The following UBE3A variants were observed in gnomAD, a reference collection of about 807,000 sequenced individuals.
UBE3A encodes the protein ubiquitin protein ligase E3A, also known as ubiquitin-protein ligase E3A.
UBE3A carries 6 observed loss-of-function variants against 83.4 expected under a neutral mutation model. That is an observed-to-expected ratio of 0.07 (90% CI 0.04 to 0.14). UBE3A has a LOEUF of 0.14. UBE3A is among the 10% of genes least tolerant of loss of function. The pLI, the probability that UBE3A is intolerant of heterozygous loss-of-function variation, is 1.00. For missense variants in UBE3A, 456 were observed against 1,036.1 expected, an observed-to-expected ratio of 0.44 and a Z score of 7.69; for synonymous variants, 337 against 355.4, an observed-to-expected ratio of 0.95 and a Z score of 0.58.
At chr15:25,406,786 C>T (rs1167122111) in intron 3 of UBE3A, among the ~76,000 whole-genome samples, 1 of 145,778 alleles carries the variant, frequency 6.9e-6, no homozygotes, top group Non-Finnish European at 1.5e-5. Context: ...CAACCCCTCA[C>T]TTCTTTATCA....
intron 5 of UBE3A, 189 bp downstream of exon 5, chr15:25,375,276 T>A: frequency 1.5e-6 from 1 of 652,732 alleles, no homozygotes; most frequent in South Asian, 2.0e-5. Context: ...TATGATCTGC[T>A]TCTAATTAGC....
At chr15:25,382,793 AT>A (rs1224591557) in intron 4 of UBE3A, among the ~76,000 whole-genome samples, 1 of 152,184 alleles carries the variant, frequency 6.6e-6, no homozygotes, top group Non-Finnish European at 1.5e-5. Context: ...ACAGAAATAA[AT>A]AGGACCTTAA....
At position 25,337,910 on chromosome 15, in the gene UBE3A, C is replaced by T. The variant is rs911726150; in HGVS notation, c.*1227G>A. ...AACCTACTTGTACTTTTCCATAGTA[C>T]ATGAAAGTAACGTTTAACATGTTTT... is the stretch of plus-strand genomic sequence containing the variant. On this transcript the variant is annotated 3_prime_UTR_variant, in exon 13 of 13. Transcript: ENST00000648336. 2.6e-5 allele frequency: 4 copies of T among 152,092 alleles called. No homozygotes were observed. The highest frequency in any genetic ancestry group is 6.5e-5 in the Admixed American group (1 of 15,272). The allele number at this position is 152,092 out of a possible 1,614,324, so 9.4% of individuals were successfully genotyped here. A position where few individuals can be genotyped will look rare whatever the true frequency, so the allele number is the denominator to read the frequency against.
rs146450619 is a variant in UBE3A, at chr15:25,358,915, A to G, written c.1753+1468T>C. On this transcript the variant is annotated intron_variant, in intron 7 of 12. Coordinates refer to ENST00000648336, the MANE Select transcript of UBE3A (RefSeq NM_130839.5). ...GATCAAGAACAGCTGACAAATAATT[A>G]CAATTAATAAATTTGTTCAAGCTGA... is the stretch of plus-strand genomic sequence containing the variant. Among the ~76,000 whole-genome samples the G allele has an allele frequency of 4.6e-3, 708 of 152,366 alleles. 23 individuals are homozygous for G. Among genetic ancestry groups the G allele is most frequent in the Admixed American group, 0.041 (635 of 15,306 alleles).
intron 2 of UBE3A, 29 bp from the exon 3 acceptor site, chr15:25,409,236 A>G: frequency 1.2e-6 from 1 of 813,280 alleles, no homozygotes; most frequent in South Asian, 1.9e-5. Context: ...CTTTGGTTAG[A>G]ACACTTTAAT....
At chr15:25,376,425 C>T (rs1039582939) in intron 4 of UBE3A, among the ~76,000 whole-genome samples, 4 of 152,172 alleles carry the variant, frequency 2.6e-5, no homozygotes, top group Admixed American at 1.3e-4. Context: ...GGCAGGCCGA[C>T]TACTTGAGCC....
chr15:25,424,830 T>C (rs1245949661), intron 1 of UBE3A, among the ~76,000 whole-genome samples: 1 of 152,160 alleles, frequency 6.6e-6, no homozygotes, highest in East Asian at 1.9e-4. Context: ...AAGACCTGTA[T>C]ACTGAAAACT....
chr15:25,359,418 C>CGTGTGTGTGTGTGTGTGT (rs60677664), intron 7 of UBE3A, among the ~76,000 whole-genome samples: 4 of 138,924 alleles, frequency 2.9e-5, no homozygotes, highest in Admixed American at 7.4e-5. Context: ...ATAAGGGATG[C>CGTGTGTGTGTGTGTGTGT]GTGTGTGTGT....
At chr15:25,368,116 G>C (rs1037986207) in intron 6 of UBE3A, among the ~76,000 whole-genome samples, 1 of 152,110 alleles carries the variant, frequency 6.6e-6, no homozygotes, top group African/African-American at 2.4e-5. Context: ...TTTGTTCACT[G>C]TGATATATAA....
intron 4 of UBE3A, among the ~76,000 whole-genome samples, chr15:25,382,579 A>T (rs989751980): frequency 6.6e-6 from 1 of 151,708 alleles, no homozygotes; most frequent in African/African-American, 2.4e-5. Context: ...ACCAAAAAAT[A>T]AAAAAAATAA....
At chr15:25,420,315 G>A (rs1889148669) in intron 1 of UBE3A, among the ~76,000 whole-genome samples, 1 of 152,082 alleles carries the variant, frequency 6.6e-6, no homozygotes, top group South Asian at 2.1e-4. Flanking sequence ...AGTCCTAAAT[G>A]TGAACACACC....
At chr15:25,417,496 AAACC>A (rs1428234526) in intron 1 of UBE3A, among the ~76,000 whole-genome samples, 7 of 152,248 alleles carry the variant, frequency 4.6e-5, no homozygotes, top group Admixed American at 2.0e-4. Context: ...CCAAGAGAAA[AAACC>A]AACCAACAAA....
chr15:25,427,545 T>C (rs1257352113), intron 1 of UBE3A, among the ~76,000 whole-genome samples: 2 of 112,808 alleles, frequency 1.8e-5, no homozygotes, highest in African/African-American at 6.4e-5. Flanking sequence ...ACAAAGGAAT[T>C]ATAAACTACT....
intron 11 of UBE3A, among the ~76,000 whole-genome samples, chr15:25,349,745 G>A (rs1408930177): frequency 6.6e-6 from 1 of 151,850 alleles, no homozygotes; most frequent in Non-Finnish European, 1.5e-5. Flanking sequence ...ATATATATTC[G>A]AATTTCCAAC....
chr15:25,358,562 G>GA (rs2077561963), intron 7 of UBE3A, among the ~76,000 whole-genome samples: 1 of 152,024 alleles, frequency 6.6e-6, no homozygotes, highest in Admixed American at 6.6e-5. Context: ...AATTAAGTCT[G>GA]AAAAAAATCT....
At chr15:25,426,033 T>C (rs1460857075) in intron 1 of UBE3A, among the ~76,000 whole-genome samples, 2 of 152,048 alleles carry the variant, frequency 1.3e-5, no homozygotes, top group Non-Finnish European at 2.9e-5. Flanking sequence ...CTTTGAAATT[T>C]TTTTTTTAAA....
chr15:25,346,373 A>G (rs1243176922), intron 11 of UBE3A: 1 of 152,382 alleles, frequency 6.6e-6, no homozygotes, highest in Non-Finnish European at 1.5e-5. Context: ...ACCACAGCTC[A>G]CAAATATATG....
In UBE3A at chr15:25,416,655, A is replaced by C. The variant is rs549609016; in HGVS notation, c.-164-4684T>G. On this transcript the variant is annotated intron_variant, in intron 1 of 12. Transcript: ENST00000648336. ...CTTAAAACATTCTAAAAAAAAAAAA[A>C]AAAACCTCATATGGTATTAGCATTA... Among the ~76,000 whole-genome samples the C allele has an allele frequency of 2.0e-3, 299 of 152,156 alleles. 2 individuals are homozygous for C. Among genetic ancestry groups the C allele is most frequent in the African/African-American group, 6.9e-3 (285 of 41,518 alleles).
chr15:25,371,285 C>G lies in UBE3A; in HGVS notation c.889G>C (p.Glu297Gln). Residue 297 changes from glutamate (E) to glutamine (Q), a missense_variant, in exon 6 of 13, where the codon GAA becomes CAA. Physicochemically the swap from Glu to Gln is conservative, Grantham distance 29. Coordinates refer to ENST00000648336, the MANE Select transcript of UBE3A (RefSeq NM_130839.5). The surrounding 1 kb of genome is among the most constrained non-coding windows in gnomAD (Gnocchi z 5.3). The stretch of plus-strand genomic sequence containing the variant: ...AATGGCAAAGCCATTTCCAGATATT[C>G]AGGACTGTGGAGATTTCTATTCTCC... Reference protein sequence around the residue: ...VMENRNLHSPEYLEMALPLFC... With the variant: ...VMENRNLHSPQYLEMALPLFC... The G allele has an allele frequency of 6.2e-7, 1 of 1,614,138 alleles. No homozygotes were observed. The highest frequency in any genetic ancestry group is 8.5e-7 in the Non-Finnish European group (1 of 1,180,022).
Sources: allele counts gnomAD v4.1 joint callset (sites outside exome capture counted in the v4.1 genomes callset), GRCh38; gene constraint gnomAD v4.1.1; non-coding constraint Gnocchi (gnomAD v3.1); transcripts MANE v1.5; gene names NCBI Gene and HGNC (gene_info 2026-07-23, HGNC 2026-07-21).